AGPAT5: variants seen among roughly 807,000 people sequenced by gnomAD.
AGPAT5 encodes the protein 1-acyl-sn-glycerol-3-phosphate acyltransferase epsilon.
Under a neutral mutation model 45.6 loss-of-function variants are expected in AGPAT5, and 46 were observed. That is an observed-to-expected ratio of 1.01 (90% CI 0.80 to 1.29). AGPAT5 has a LOEUF of 1.29. AGPAT5 is among the 50% of genes most tolerant of loss of function. The pLI is 0.00. For synonymous variants in AGPAT5, 272 were observed against 167.0 expected (o/e 1.63, Z -4.85); for missense variants, 673 against 450.7 (o/e 1.49, Z -4.47).
chr8:6,738,776 T>C lies in AGPAT5; in HGVS notation c.496-2885T>C, dbSNP rs903855137. Among the ~76,000 whole-genome samples the C allele has an allele frequency of 5.9e-5, 9 of 152,302 alleles. No homozygotes were observed. In the South Asian group the frequency reaches 1.5e-3, roughly 25 times the overall value. ...AGTATCTTTTTTGAGTACGTGTGTT[T>C]TTTTATTTTTATACATTTATATGTA... On this transcript the variant is annotated intron_variant, in intron 4 of 7. Transcript: ENST00000285518.
At position 6,759,515 on chromosome 8, in the gene AGPAT5, T is replaced by G. The variant is rs185019742; in HGVS notation, c.*2127T>G. The G allele has an allele frequency of 1.1e-4, 16 of 152,352 alleles. No individual in the cohort carries two copies. The highest frequency in any genetic ancestry group is 3.6e-4 in the African/African-American group (15 of 41,596). 9.4% of individuals were successfully genotyped at this position (152,352 alleles called of 1,614,324 possible). ...CCTGTAAGTCTTTTCACATATCATT[T>G]AAACTTTTGTTTGTATTATTACTGA... is the stretch of plus-strand genomic sequence containing the variant. On this transcript the variant is annotated 3_prime_UTR_variant, in exon 8 of 8. Transcript: ENST00000285518.
intron 4 of AGPAT5, among the ~76,000 whole-genome samples, chr8:6,737,543 G>C (rs1287071739): frequency 6.6e-6 from 1 of 152,186 alleles, no homozygotes; most frequent in Non-Finnish European, 1.5e-5. Flanking sequence ...GAACTTATTG[G>C]TTGTGGATGC....
Position 6,757,447 on chromosome 8 carries a change from C to G in AGPAT5, c.*59C>G, listed in dbSNP as rs1563311387. ...ACATTGTCTATTTTTGGCGGCTGCA[C>G]ATGACATCAAATTGTTTCCTGAATT... is the stretch of plus-strand genomic sequence containing the variant. On this transcript the variant is annotated 3_prime_UTR_variant, in exon 8 of 8. Transcript: ENST00000285518. 3.0e-6 allele frequency: 4 copies of G among 1,313,122 alleles called. No homozygotes were observed. The highest frequency in any genetic ancestry group is 4.4e-6 in the Non-Finnish European group (4 of 916,406). 81.3% of individuals were successfully genotyped at this position (1,313,122 alleles called of 1,614,324 possible). A position where few individuals can be genotyped will look rare whatever the true frequency, so the allele number is the denominator to read the frequency against.
chr8:6,720,089 A>G (rs986173560), intron 1 of AGPAT5, among the ~76,000 whole-genome samples: 9 of 152,196 alleles, frequency 5.9e-5, no homozygotes, highest in Non-Finnish European at 1.2e-4. Context: ...TATGCTGCAT[A>G]TGATGTAGTG....
intron 5 of AGPAT5, among the ~76,000 whole-genome samples, chr8:6,744,305 C>T (rs1167252651): frequency 6.6e-6 from 1 of 152,168 alleles, no homozygotes; most frequent in African/African-American, 2.4e-5. Flanking sequence ...GAAAGCATAG[C>T]AAACAAGAAA....
intron 1 of AGPAT5, among the ~76,000 whole-genome samples, chr8:6,711,993 A>C (rs1800170758): frequency 6.6e-6 from 1 of 152,248 alleles, no homozygotes; most frequent in Non-Finnish European, 1.5e-5. Context: ...CACAGGTTCC[A>C]GGGCTTAGGA....
At chr8:6,748,851 A>C (rs1206547685) in intron 6 of AGPAT5, among the ~76,000 whole-genome samples, 2 of 152,124 alleles carry the variant, frequency 1.3e-5, no homozygotes, top group African/African-American at 4.8e-5. Flanking sequence ...GGATCTACTG[A>C]GGGCAGATGT....
intron 6 of AGPAT5, among the ~76,000 whole-genome samples, chr8:6,750,531 G>T (rs1801624000): frequency 6.6e-6 from 1 of 152,168 alleles, no homozygotes. Flanking sequence ...AAGACTGAAA[G>T]ACAAACTGGG....
At chr8:6,712,930 C>T (rs751194111) in intron 1 of AGPAT5, among the ~76,000 whole-genome samples, 78 of 152,124 alleles carry the variant, frequency 5.1e-4, no homozygotes, top group Admixed American at 1.9e-3. Context: ...CATTCCTATG[C>T]AATACACTGA....
At chr8:6,723,454 G>A (rs1587011759) in intron 1 of AGPAT5, among the ~76,000 whole-genome samples, 2 of 135,764 alleles carry the variant, frequency 1.5e-5, no homozygotes, top group Non-Finnish European at 3.2e-5. Flanking sequence ...TACCGACCCC[G>A]CCCGCCCACT....
intron 2 of AGPAT5, among the ~76,000 whole-genome samples, chr8:6,725,699 C>G (rs1213055754): frequency 6.6e-6 from 1 of 152,186 alleles, no homozygotes; most frequent in Admixed American, 6.5e-5. Flanking sequence ...GTTTTCAAAC[C>G]TGTAGCTACT....
At chr8:6,727,356 C>A (rs1007166527) in intron 2 of AGPAT5, among the ~76,000 whole-genome samples, 1 of 152,026 alleles carries the variant, frequency 6.6e-6, no homozygotes, top group Non-Finnish European at 1.5e-5. Flanking sequence ...TTCCCCTTAT[C>A]CTTCAACTAT....
chr8:6,720,838 A>G (rs927355743), intron 1 of AGPAT5, among the ~76,000 whole-genome samples: 2 of 152,166 alleles, frequency 1.3e-5, no homozygotes, highest in African/African-American at 2.4e-5. Flanking sequence ...TCTTAATACT[A>G]TGGAAACAGC....
Position 6,761,184 on chromosome 8 carries a change from T to C in AGPAT5, c.*3796T>C, listed in dbSNP as rs1802031349. Among the ~76,000 whole-genome samples, 1 of 152,206 alleles carries C rather than the reference T, an allele frequency of 6.6e-6. No homozygotes were observed. Among genetic ancestry groups the C allele is most frequent in the Non-Finnish European group, 1.5e-5 (1 of 68,028 alleles). ...GAAAGCTGAAGTACTTCTAATATAC[T>C]GAGGGAAGTATAATATGTGGAACAA... On this transcript the variant is annotated 3_prime_UTR_variant, in exon 8 of 8. Coordinates refer to ENST00000285518, the MANE Select transcript of AGPAT5 (RefSeq NM_018361.5).
intron 6 of AGPAT5, among the ~76,000 whole-genome samples, chr8:6,752,420 G>A (rs1801685914): frequency 6.6e-6 from 1 of 151,970 alleles, no homozygotes; most frequent in Non-Finnish European, 1.5e-5. Flanking sequence ...ATTTTCTTGT[G>A]TGTTATAAAC....
chr8:6,740,658 T>C (rs1470505664), intron 4 of AGPAT5, among the ~76,000 whole-genome samples: 2 of 152,036 alleles, frequency 1.3e-5, no homozygotes, highest in East Asian at 1.9e-4. Context: ...GATACCATTA[T>C]ACCAGTATCT....
chr8:6,718,428 A>T (rs990204678), intron 1 of AGPAT5, among the ~76,000 whole-genome samples: 3 of 152,194 alleles, frequency 2.0e-5, no homozygotes, highest in Non-Finnish European at 4.4e-5. Flanking sequence ...TGCTGGCAGA[A>T]CCCACAGTCT....
intron 2 of AGPAT5, among the ~76,000 whole-genome samples, chr8:6,728,604 T>G (rs1239836504): frequency 6.6e-6 from 1 of 152,154 alleles, no homozygotes; most frequent in African/African-American, 2.4e-5. Flanking sequence ...TGTTTTAAAA[T>G]AAAACCCATT....
intron 6 of AGPAT5, among the ~76,000 whole-genome samples, chr8:6,749,656 CTCTTT>C: frequency 6.6e-6 from 1 of 152,170 alleles, no homozygotes; most frequent in Non-Finnish European, 1.5e-5. Flanking sequence ...TAATATTTTT[CTCTTT>C]TAAACTATCG....
Sources: gnomAD v4.1 joint callset for allele counts (sites outside exome capture counted in the v4.1 genomes callset) on GRCh38, gnomAD v4.1.1 for gene constraint, MANE v1.5 for transcripts, NCBI Gene and HGNC (gene_info 2026-07-23, HGNC 2026-07-21) for gene names.